ST6GALNAC3: variants seen among roughly 807,000 people sequenced by gnomAD.
ST6GALNAC3 encodes alpha-N-acetylgalactosaminide alpha-2,6-sialyltransferase 3.
ST6GALNAC3 carries 25 observed loss-of-function variants against 32.7 expected under a neutral mutation model. The observed-to-expected ratio is 0.76, with a 90% confidence interval of 0.56 to 1.07. The LOEUF (loss-of-function observed/expected upper bound fraction) is 1.07, where lower values mean the gene tolerates loss of function less well. Among genes scored for constraint, ST6GALNAC3 ranks in the 50% least tolerant of loss-of-function variants. ST6GALNAC3 has a pLI of 0.00. For missense variants in ST6GALNAC3, 355 were observed against 382.4 expected (o/e 0.93, Z 0.60); for synonymous variants, 129 against 133.1 (o/e 0.97, Z 0.21).
chr1:76,235,843 T>C (rs1656624533), intron 1 of ST6GALNAC3, among the ~76,000 whole-genome samples: 1 of 150,916 alleles, frequency 6.6e-6, no homozygotes, highest in Non-Finnish European at 1.5e-5. Flanking sequence ...GTGTTCCTGA[T>C]CTCTGCCTTC....
At chr1:76,075,966 A>G (rs939658059) in intron 1 of ST6GALNAC3, among the ~76,000 whole-genome samples, 2 of 152,232 alleles carry the variant, frequency 1.3e-5, no homozygotes, top group African/African-American at 4.8e-5. Context: ...ATCGTCTTCT[A>G]ACGTGCCTGG....
At chr1:76,159,092 C>T (rs747649748) in intron 1 of ST6GALNAC3, among the ~76,000 whole-genome samples, 2 of 152,164 alleles carry the variant, frequency 1.3e-5, no homozygotes, top group African/African-American at 4.8e-5. Context: ...TGGGAAAGTA[C>T]TTTCCTGGGG....
chr1:76,615,077 A>G (rs763008503), intron 3 of ST6GALNAC3, among the ~76,000 whole-genome samples: 12 of 152,112 alleles, frequency 7.9e-5, no homozygotes, highest in Non-Finnish European at 1.6e-4. Flanking sequence ...AAGATGATGC[A>G]GGGGGCTAGA....
At chr1:76,538,127 A>C (rs188800753) in intron 3 of ST6GALNAC3, among the ~76,000 whole-genome samples, 26 of 152,326 alleles carry the variant, frequency 1.7e-4, no homozygotes, top group Non-Finnish European at 3.4e-4. Context: ...TCAATAAAAT[A>C]CTGGCAAACC....
At chr1:76,404,953 A>G (rs1329193069) in intron 2 of ST6GALNAC3, among the ~76,000 whole-genome samples, 6 of 152,144 alleles carry the variant, frequency 3.9e-5, no homozygotes, top group Admixed American at 3.3e-4. Flanking sequence ...AGAAATACTC[A>G]TTGAAGTTCT....
At chr1:76,256,968 TG>T (rs1169179172) in intron 1 of ST6GALNAC3, among the ~76,000 whole-genome samples, 1 of 152,132 alleles carries the variant, frequency 6.6e-6, no homozygotes, top group Non-Finnish European at 1.5e-5. Flanking sequence ...AGCTGGCAAT[TG>T]GTTTTGATGA....
intron 1 of ST6GALNAC3, among the ~76,000 whole-genome samples, chr1:76,257,987 G>A (rs762231127): frequency 4.6e-5 from 7 of 152,074 alleles, no homozygotes; most frequent in Non-Finnish European, 1.0e-4. Flanking sequence ...CTCAGACACT[G>A]GTATCCCAGG....
chr1:76,205,169 A>G (rs1654750752), intron 1 of ST6GALNAC3, among the ~76,000 whole-genome samples: 1 of 152,192 alleles, frequency 6.6e-6, no homozygotes, highest in African/African-American at 2.4e-5. Context: ...GCCAGCTTAG[A>G]TCTGATTTAA....
intron 1 of ST6GALNAC3, among the ~76,000 whole-genome samples, chr1:76,112,282 C>T (rs184767365): frequency 0.066 from 8,653 of 131,532 alleles, 628 homozygotes; most frequent in Non-Finnish European, 0.095. Context: ...GGCGGCTGGC[C>T]GGGCAGAGGG....
In ST6GALNAC3 at chr1:76,237,195, A is replaced by T. The variant is rs537620; in HGVS notation, c.19-76610A>T. Among the ~76,000 whole-genome samples the T allele has an allele frequency of 6.6e-5, 10 of 152,148 alleles. No individual in the cohort carries two copies. The East Asian group carries it at 1.7e-3, about 26-fold the overall frequency. ...CCCACCCAGGCAAGAGTGCAGTGGC[A>T]CAATCTTTGCTTACTGCAACATCTG... On this transcript the variant is annotated intron_variant, in intron 1 of 4. Transcript: ENST00000328299.
At chr1:76,099,412 A>G (rs1330445774) in intron 1 of ST6GALNAC3, among the ~76,000 whole-genome samples, 1 of 152,178 alleles carries the variant, frequency 6.6e-6, no homozygotes, top group Non-Finnish European at 1.5e-5. Flanking sequence ...GTACATGCAT[A>G]TATTCATAGC....
At chr1:76,332,763 C>T (rs751511978) in intron 2 of ST6GALNAC3, among the ~76,000 whole-genome samples, 31 of 152,212 alleles carry the variant, frequency 2.0e-4, no homozygotes, top group Middle Eastern at 3.4e-3. Context: ...CATGCTTTGC[C>T]CATTCTGAAT....
At chr1:76,535,987 C>G (rs141627377) in intron 3 of ST6GALNAC3, among the ~76,000 whole-genome samples, 2 of 152,154 alleles carry the variant, frequency 1.3e-5, no homozygotes, top group East Asian at 3.9e-4. Context: ...AAATCTTAAT[C>G]AAACATCATT....
At chr1:76,596,395 T>A (rs1032719947) in intron 3 of ST6GALNAC3, among the ~76,000 whole-genome samples, 2 of 152,160 alleles carry the variant, frequency 1.3e-5, no homozygotes, top group African/African-American at 4.8e-5. Context: ...TTCTGGCACA[T>A]AGTAGTTGCT....
intron 1 of ST6GALNAC3, among the ~76,000 whole-genome samples, chr1:76,101,891 T>C (rs1294911103): frequency 6.6e-6 from 1 of 152,192 alleles, no homozygotes; most frequent in East Asian, 1.9e-4. Flanking sequence ...ATGTGTTTGA[T>C]TTCATAACAT....
chr1:76,310,678 C>G (rs74669692), intron 1 of ST6GALNAC3, among the ~76,000 whole-genome samples: 1 of 152,138 alleles, frequency 6.6e-6, no homozygotes, highest in East Asian at 1.9e-4. Context: ...CTAATTCCAC[C>G]GGGTAGTGGT....
chr1:76,522,655 A>G (rs1204638853), intron 3 of ST6GALNAC3, among the ~76,000 whole-genome samples: 2 of 152,154 alleles, frequency 1.3e-5, no homozygotes, highest in Admixed American at 6.5e-5. Flanking sequence ...GTGGCTTTAT[A>G]TTATGCCAAC....
intron 3 of ST6GALNAC3, among the ~76,000 whole-genome samples, chr1:76,500,323 A>G (rs1445270721): frequency 6.6e-6 from 1 of 152,040 alleles, no homozygotes; most frequent in Non-Finnish European, 1.5e-5. Context: ...CCTTATTTCC[A>G]TCTGTTACTT....
chr1:76,474,595 C>T (rs778891534), intron 3 of ST6GALNAC3, among the ~76,000 whole-genome samples: 5 of 152,094 alleles, frequency 3.3e-5, no homozygotes, highest in Admixed American at 1.3e-4. Context: ...GAGATACAGA[C>T]CAGAAGCAAA....
Sources: gnomAD v4.1 joint callset for allele counts (sites outside exome capture counted in the v4.1 genomes callset) on GRCh38, gnomAD v4.1.1 for gene constraint, MANE v1.5 for transcripts, NCBI Gene and HGNC (gene_info 2026-07-23, HGNC 2026-07-21) for gene names.